The following PRKX variants were observed in gnomAD, a reference collection of about 807,000 sequenced individuals.
PRKX encodes the protein protein kinase cAMP-dependent X-linked catalytic subunit.
PRKX carries 12 observed loss-of-function variants against 22.0 expected under a neutral mutation model. The observed-to-expected ratio is 0.54, with a 90% confidence interval of 0.35 to 0.88. The LOEUF is 0.88. PRKX is among the 40% of genes least tolerant of loss of function. The pLI is 0.01. For synonymous variants in PRKX, 134 were observed against 137.7 expected (o/e 0.97, Z 0.19); for missense variants, 217 against 308.0 (o/e 0.70, Z 2.21).
chrX:3,652,193 C>T (rs768856438), intron 3 of PRKX, among the ~76,000 whole-genome samples: 5 of 110,091 alleles, frequency 4.5e-5, no homozygotes, highest in Non-Finnish European at 7.6e-5. Context: ...CCAAGGTGGG[C>T]GCATCACAAG....
At chrX:3,612,542 T>C (rs1363125365) in intron 7 of PRKX, among the ~76,000 whole-genome samples, 1 of 111,596 alleles carries the variant, frequency 9.0e-6, no homozygotes, top group African/African-American at 3.3e-5. Flanking sequence ...ATCCCAACAC[T>C]TTAAGAAGGT....
At chrX:3,628,914 C>T (rs1464053555) in intron 4 of PRKX, among the ~76,000 whole-genome samples, 2 of 109,684 alleles carry the variant, frequency 1.8e-5, no homozygotes, top group East Asian at 2.9e-4. Flanking sequence ...GTCCCCGGTG[C>T]TTGTAATCTC....
intron 2 of PRKX, among the ~76,000 whole-genome samples, chrX:3,663,467 CAA>C (rs60160617): frequency 0.059 from 4,851 of 82,647 alleles, 190 homozygotes; most frequent in African/African-American, 0.091. Flanking sequence ...CACACACACA[CAA>C]AAAAATTCAA....
Position 3,713,444 on chromosome X carries a change from G to T in PRKX, c.-191C>A, listed in dbSNP as rs1041754949. 3.3e-6 allele frequency: 1 copy of T among 302,341 alleles called. No homozygotes were observed. The highest frequency in any genetic ancestry group is 5.5e-6 in the Non-Finnish European group (1 of 183,220). 24.9% of individuals were successfully genotyped at this position (302,341 alleles called of 1,213,427 possible). ...GGGACAATGGCTGGGCGGCGCTCAC[G>T]GCACAAGCAGCAACGGCCCCGAGTG... On this transcript the variant is annotated 5_prime_UTR_variant, in exon 1 of 9. Coordinates refer to ENST00000262848, the MANE Select transcript of PRKX (RefSeq NM_005044.5).
intron 4 of PRKX, among the ~76,000 whole-genome samples, chrX:3,639,773 G>C (rs1335628774): frequency 1.8e-5 from 2 of 110,980 alleles, no homozygotes; most frequent in African/African-American, 6.6e-5. Flanking sequence ...ACATCGTTCT[G>C]ATCCCTAAGC....
In PRKX at chrX:3,653,646, ATAT is replaced by A. The variant is rs1420520794; in HGVS notation, c.599+1500_599+1502del. ...ATATATAATATACTATGTAATATAT[ATAT>A]TATATATAATATACTATGTGATATA... On this transcript the variant is annotated intron_variant, in intron 3 of 8. Coordinates refer to ENST00000262848, the MANE Select transcript of PRKX (RefSeq NM_005044.5). Among the ~76,000 whole-genome samples, 130 of 70,289 alleles carry A rather than the reference ATAT, an allele frequency of 1.8e-3. 1 individual carries two copies. The highest frequency in any genetic ancestry group is 6.6e-3 in the African/African-American group (126 of 19,190). 61.0% of individuals were successfully genotyped at this position (70,289 alleles called of 115,157 possible). A position where few individuals can be genotyped will look rare whatever the true frequency, so the allele number is the denominator to read the frequency against.
At chrX:3,611,709 T>C (rs1926298715) in intron 8 of PRKX, among the ~76,000 whole-genome samples, 2 of 112,070 alleles carry the variant, frequency 1.8e-5, no homozygotes, top group Non-Finnish European at 3.8e-5. Context: ...CAAAATCCTT[T>C]TCCAGTCATC....
At chrX:3,612,642 C>T (rs1305927583) in intron 7 of PRKX, among the ~76,000 whole-genome samples, 3 of 109,419 alleles carry the variant, frequency 2.7e-5, no homozygotes, top group East Asian at 2.9e-4. Context: ...TACAACTAGC[C>T]GGGTGTGGTG....
chrX:3,629,627 C>G (rs1370398519), intron 4 of PRKX, among the ~76,000 whole-genome samples: 10 of 110,347 alleles, frequency 9.1e-5, no homozygotes, highest in Non-Finnish European at 1.7e-4. Context: ...TAAATGTGTA[C>G]AGGCCAAATG....
chrX:3,629,430 T>A (rs751590506), intron 4 of PRKX, among the ~76,000 whole-genome samples: 2 of 106,805 alleles, frequency 1.9e-5, no homozygotes, highest in Non-Finnish European at 3.9e-5. Context: ...TTTTTTTTTT[T>A]AATTTTTGGT....
intron 1 of PRKX, among the ~76,000 whole-genome samples, chrX:3,711,587 G>A (rs1212567200): frequency 8.9e-6 from 1 of 112,129 alleles, no homozygotes; most frequent in African/African-American, 3.2e-5. Context: ...AGGAACGGCT[G>A]GACCTCATCA....
chrX:3,626,682 T>C (rs896704229), intron 4 of PRKX, among the ~76,000 whole-genome samples, 168 bp from the exon 5 acceptor site: 3 of 112,279 alleles, frequency 2.7e-5, no homozygotes, highest in African/African-American at 9.7e-5. Flanking sequence ...GACAGTCAGA[T>C]GGTTCTAAGA....
intron 7 of PRKX, among the ~76,000 whole-genome samples, chrX:3,615,060 C>T (rs1300540204): frequency 1.2e-4 from 11 of 91,445 alleles, no homozygotes; most frequent in African/African-American, 5.1e-4. Context: ...GCTCTGTCGC[C>T]CAGGCTGGAG....
chrX:3,637,148 A>T (rs1476705076), intron 4 of PRKX, among the ~76,000 whole-genome samples: 1 of 108,137 alleles, frequency 9.2e-6, no homozygotes. Flanking sequence ...AAGGAAAGGG[A>T]AAAAGAAAAG....
At chrX:3,684,335 C>T (rs1269918199) in intron 1 of PRKX, among the ~76,000 whole-genome samples, 1 of 111,859 alleles carries the variant, frequency 8.9e-6, no homozygotes, top group Non-Finnish European at 1.9e-5. Flanking sequence ...AGATTACTTT[C>T]TGGGTCTCAA....
chrX:3,630,136 C>T (rs73438441), intron 4 of PRKX, among the ~76,000 whole-genome samples: 4,812 of 111,891 alleles, frequency 0.043, 271 homozygotes, highest in African/African-American at 0.15. Context: ...ATATGTGAAA[C>T]AAACTAAAAA....
chrX:3,688,590 C>T (rs1389494861), intron 1 of PRKX, among the ~76,000 whole-genome samples: 2 of 109,821 alleles, frequency 1.8e-5, no homozygotes, highest in African/African-American at 6.6e-5. Flanking sequence ...AGGCCAGGAG[C>T]AGTGGCTCAT....
At chrX:3,669,690 A>G (rs1204064866) in intron 2 of PRKX, among the ~76,000 whole-genome samples, 2 of 112,268 alleles carry the variant, frequency 1.8e-5, no homozygotes, top group Non-Finnish European at 3.8e-5. Flanking sequence ...TCTATCATCT[A>G]TAGCTGTATA....
At chrX:3,622,419 G>A (rs1356294198) in intron 5 of PRKX, among the ~76,000 whole-genome samples, 1 of 110,804 alleles carries the variant, frequency 9.0e-6, no homozygotes, top group African/African-American at 3.3e-5. Flanking sequence ...CGGTGTAAGC[G>A]TCTAGGCTTT....
Sources: allele counts gnomAD v4.1 joint callset (sites outside exome capture counted in the v4.1 genomes callset), GRCh38; gene constraint gnomAD v4.1.1; transcripts MANE v1.5; gene names NCBI Gene and HGNC (gene_info 2026-07-23, HGNC 2026-07-21).